The following HAUS2 variants were observed in gnomAD, a reference collection of about 807,000 sequenced individuals.
HAUS2 encodes the protein HAUS augmin like complex subunit 2.
Under a neutral mutation model 21.6 loss-of-function variants are expected in HAUS2, and 20 were observed. The observed-to-expected ratio is 0.93, with a 90% CI of 0.65 to 1.35. HAUS2 has a LOEUF of 1.35. Ranked by LOEUF, HAUS2 falls within the 40% of genes most tolerant of loss-of-function variation. The probability of loss-of-function intolerance (pLI) is 0.00; values close to 1 mark genes in which losing one functional copy is unlikely to be tolerated. For synonymous variants in HAUS2, 113 were observed against 95.6 expected, an observed-to-expected ratio of 1.18 and a Z score of -1.06; for missense variants, 297 against 280.7, an observed-to-expected ratio of 1.06 and a Z score of -0.42.
intron 3 of HAUS2, 37 bp from the exon 4 acceptor site, chr15:42,561,233 A>G (rs766315146): frequency 7.7e-6 from 10 of 1,301,476 alleles, no homozygotes; most frequent in East Asian, 2.3e-5. Context: ...TATTTGTCCT[A>G]TTGCTAACTA....
intron 3 of HAUS2, among the ~76,000 whole-genome samples, chr15:42,560,237 A>G (rs570407927): frequency 1.3e-5 from 2 of 152,318 alleles, no homozygotes; most frequent in Non-Finnish European, 2.9e-5. Flanking sequence ...AAATATTGGT[A>G]GTATTGTATT....
intron 3 of HAUS2, among the ~76,000 whole-genome samples, chr15:42,560,398 G>A (rs1226987105): frequency 6.6e-6 from 1 of 151,658 alleles, no homozygotes; most frequent in Non-Finnish European, 1.5e-5. Context: ...GAGAGAGAGA[G>A]AGAGAGAGAG....
chr15:42,564,423 G>C (rs1360912763), intron 5 of HAUS2, among the ~76,000 whole-genome samples: 3 of 152,054 alleles, frequency 2.0e-5, no homozygotes, highest in Admixed American at 1.3e-4. Context: ...CCGTGGCTAT[G>C]CTACATGTAT....
Position 42,556,453 on chromosome 15 carries a change from C to T in HAUS2, c.94-1745C>T, listed in dbSNP as rs1248161726. 4.6e-5 allele frequency among the ~76,000 whole-genome samples: 7 copies of T among 151,080 alleles called. No individual in the cohort carries two copies. In the East Asian group the frequency reaches 1.4e-3, roughly 30 times the overall value. On this transcript the variant is annotated intron_variant, in intron 1 of 5. Transcript: ENST00000260372. ...CTAATTTTTGTATTTTTAGTAGAGA[C>T]GGGGTTTCACCATGTTGTCCAGGCT...
Position 42,559,413 on chromosome 15 carries a change from G to C in HAUS2, c.256+5G>C. The C allele has an allele frequency of 6.4e-7, 1 of 1,568,600 alleles. No individual in the cohort carries two copies. Among genetic ancestry groups the C allele is most frequent in the Non-Finnish European group, 8.8e-7 (1 of 1,138,652 alleles). Reference sequence around the variant, plus strand: ...TTGTTCATCCTTTCTTTTTGGGTAAGTGGTTTGGTTAAGTGGATAATCACT... The same window carrying C: ...TTGTTCATCCTTTCTTTTTGGGTAACTGGTTTGGTTAAGTGGATAATCACT... On this transcript the variant is annotated splice_donor_5th_base_variant and intron_variant, in intron 3 of 5. Transcript: ENST00000260372.
chr15:42,550,616 T>C (rs1040418774), intron 1 of HAUS2, among the ~76,000 whole-genome samples: 7 of 152,180 alleles, frequency 4.6e-5, no homozygotes, highest in Non-Finnish European at 1.0e-4. Context: ...TGACTAACTT[T>C]ACCAGGAGTG....
rs376613979 is a variant in HAUS2, at chr15:42,559,355, A to G, written c.203A>G (p.Glu68Gly). The change falls in exon 3 of 6, where the codon GAA (glutamate) becomes GGA (glycine). Residue 68 changes from glutamate (E) to glycine (G), a missense_variant. Coordinates refer to ENST00000260372, the MANE Select transcript of HAUS2 (RefSeq NM_018097.3). Reference protein sequence around the residue: ...AEIYQKNLEIELLKLEKDTAD... With the variant: ...AEIYQKNLEIGLLKLEKDTAD... ...CTCATGTAGAAAAACCTGGAAATTGAACTCCTGAAACTAGAAAAAGATACA... is the reference window on the plus strand; with the variant it reads ...CTCATGTAGAAAAACCTGGAAATTGGACTCCTGAAACTAGAAAAAGATACA... The G allele has an allele frequency of 6.2e-7, 1 of 1,602,826 alleles. No homozygotes were observed. Among genetic ancestry groups the G allele is most frequent in the African/African-American group, 1.3e-5 (1 of 74,702 alleles).
chr15:42,553,107 C>T (rs1284267545), intron 1 of HAUS2, among the ~76,000 whole-genome samples: 1 of 151,884 alleles, frequency 6.6e-6, no homozygotes, highest in Non-Finnish European at 1.5e-5. Flanking sequence ...CTGCCTCAGC[C>T]TCCCAAGTAG....
Position 42,561,392 on chromosome 15 carries a change from G to T in HAUS2, c.379G>T (p.Val127Phe). The change falls in exon 4 of 6, where the codon GTT (valine) becomes TTT (phenylalanine). Residue 127 changes from valine to phenylalanine, a missense_variant. By Grantham distance (50) the Val-to-Phe change is conservative (BLOSUM62 -1). Transcript: ENST00000260372. ...MCQENLPIEA[V>F]YHRYMVHLLE... ...CCAGGAAAACTTACCTATTGAAGCTGTTTATCACAGGTTAGACTGAAAAGT... is the reference window on the plus strand; with the variant it reads ...CCAGGAAAACTTACCTATTGAAGCTTTTTATCACAGGTTAGACTGAAAAGT... The T allele has an allele frequency of 6.2e-7, 1 of 1,605,250 alleles. No individual in the cohort carries two copies. The highest frequency in any genetic ancestry group is 1.1e-5 in the South Asian group (1 of 90,878).
At chr15:42,558,314 CTTTTT>C (rs547363768) in intron 2 of HAUS2, 24 bp downstream of exon 2, 847 of 372,684 alleles carry the variant, frequency 2.3e-3, no homozygotes, top group East Asian at 5.7e-3. Flanking sequence ...TTTTCACTTT[CTTTTT>C]TTTTTTTTTT....
chr15:42,564,268 T>TA (rs750975585), intron 5 of HAUS2, among the ~76,000 whole-genome samples: 1,776 of 130,486 alleles, frequency 0.014, 19 homozygotes, highest in Non-Finnish European at 0.018. Context: ...CATCTCCCAT[T>TA]AAAAAAAAAA....
chr15:42,561,445 G>C (rs1239927314), intron 4 of HAUS2, 43 bp downstream of exon 4: 8 of 1,400,680 alleles, frequency 5.7e-6, no homozygotes, highest in African/African-American at 5.7e-5. Flanking sequence ...CCTGTTTTCT[G>C]AGTTTACTTT....
intron 1 of HAUS2, among the ~76,000 whole-genome samples, chr15:42,556,906 G>A: frequency 6.6e-6 from 1 of 150,656 alleles, no homozygotes; most frequent in Non-Finnish European, 1.5e-5. Context: ...AAAACTCCCA[G>A]CTACTTGGGA....
chr15:42,563,597 T>C (rs939573463), intron 4 of HAUS2, 152 bp from the exon 5 acceptor site: 2 of 585,214 alleles, frequency 3.4e-6, no homozygotes, highest in Non-Finnish European at 6.1e-6. Context: ...TTTTAATCAC[T>C]AATATTTCTA....
At chr15:42,555,053 G>A (rs1301237340) in intron 1 of HAUS2, among the ~76,000 whole-genome samples, 4 of 150,840 alleles carry the variant, frequency 2.7e-5, no homozygotes, top group Non-Finnish European at 4.4e-5. Flanking sequence ...GCAATGGCGT[G>A]ATCTCTGCTC....
intron 1 of HAUS2, among the ~76,000 whole-genome samples, chr15:42,549,765 CAA>C (rs58614126): frequency 1.5e-4 from 9 of 58,114 alleles, no homozygotes; most frequent in African/African-American, 3.9e-4. Flanking sequence ...TCTTTAAAGG[CAA>C]AAAAAAAAAA....
chr15:42,566,416 T>C (rs185770295), intron 5 of HAUS2, among the ~76,000 whole-genome samples, 191 bp from the exon 6 acceptor site: 1 of 152,292 alleles, frequency 6.6e-6, no homozygotes, highest in East Asian at 1.9e-4. Flanking sequence ...TGAGTGATTA[T>C]TGAAGACAAA....
At chr15:42,560,693 G>A (rs1007998856) in intron 3 of HAUS2, 3 of 640,822 alleles carry the variant, frequency 4.7e-6, no homozygotes, top group South Asian at 1.7e-5. Flanking sequence ...ACTTCAACAC[G>A]TGGTTTCAAC....
chr15:42,552,804 T>C (rs2057738473), intron 1 of HAUS2, among the ~76,000 whole-genome samples: 1 of 152,130 alleles, frequency 6.6e-6, no homozygotes, highest in Non-Finnish European at 1.5e-5. Flanking sequence ...TGTGTCCTAC[T>C]CTCCTCTATA....
Sources: allele counts gnomAD v4.1 joint callset (sites outside exome capture counted in the v4.1 genomes callset), GRCh38; gene constraint gnomAD v4.1.1; transcripts MANE v1.5; gene names NCBI Gene and HGNC (gene_info 2026-07-23, HGNC 2026-07-21).